Variants in MAN1A2 observed in about 807,000 individuals in gnomAD.
MAN1A2 encodes mannosyl-oligosaccharide 1,2-alpha-mannosidase IB.
A neutral mutation model predicts 75.7 loss-of-function variants in MAN1A2; 26 were observed. The ratio of observed to expected loss-of-function variants is 0.34; its 90% confidence interval spans 0.25 to 0.48. MAN1A2 has a LOEUF of 0.48. Ranked by LOEUF, MAN1A2 falls within the 20% of genes least tolerant of loss-of-function variation. The pLI is 0.99. For synonymous variants in MAN1A2, 247 were observed against 264.6 expected, an observed-to-expected ratio of 0.93 and a Z score of 0.65; for missense variants, 562 against 775.5, an observed-to-expected ratio of 0.72 and a Z score of 3.27.
At chr1:117,393,171 A>G (rs1029341932) in intron 1 of MAN1A2, among the ~76,000 whole-genome samples, 3 of 152,186 alleles carry the variant, frequency 2.0e-5, no homozygotes, top group African/African-American at 7.2e-5. Flanking sequence ...GTGCTGGTAG[A>G]GTATGTTCAT....
At chr1:117,384,253 A>G (rs900175377) in intron 1 of MAN1A2, among the ~76,000 whole-genome samples, 5 of 152,192 alleles carry the variant, frequency 3.3e-5, no homozygotes, top group African/African-American at 1.2e-4. Flanking sequence ...GGTATTTACT[A>G]CTATTAATTT....
intron 6 of MAN1A2, among the ~76,000 whole-genome samples, chr1:117,445,069 AT>A (rs1338960934): frequency 6.6e-6 from 1 of 152,062 alleles, no homozygotes; most frequent in Non-Finnish European, 1.5e-5. Flanking sequence ...TTGTTGTTTT[AT>A]CATGAATGGA....
At position 117,423,869 on chromosome 1, in the gene MAN1A2, TTTTC is replaced by T. The variant is rs555008747; in HGVS notation, c.855+3236_855+3239del. 1.1e-3 allele frequency among the ~76,000 whole-genome samples: 160 copies of T among 151,272 alleles called. 2 individuals are homozygous for T. In the East Asian group the frequency reaches 0.024, roughly 23 times the overall value. Reference sequence around the variant, plus strand: ...TGCAATGTGCAATTGATTTTTCTTTTTTTCTTTCTTTCTTTCTTTTTTTTTTTTT... The same window carrying T: ...TGCAATGTGCAATTGATTTTTCTTTTTTTCTTTCTTTCTTTTTTTTTTTTT... On this transcript the variant is annotated intron_variant, in intron 5 of 12. Coordinates refer to ENST00000356554, the MANE Select transcript of MAN1A2 (RefSeq NM_006699.5).
chr1:117,439,256 C>A (rs1375624504), intron 5 of MAN1A2, among the ~76,000 whole-genome samples: 1 of 152,024 alleles, frequency 6.6e-6, no homozygotes, highest in African/African-American at 2.4e-5. Flanking sequence ...TAGGTATATA[C>A]CCTTATTAAG....
intron 5 of MAN1A2, among the ~76,000 whole-genome samples, chr1:117,425,871 A>G (rs1431667550): frequency 2.0e-5 from 3 of 152,116 alleles, no homozygotes; most frequent in African/African-American, 7.2e-5. Flanking sequence ...AAAATAAAAG[A>G]AATGCCTTTT....
chr1:117,512,723 A>G (rs1043391819), intron 12 of MAN1A2, among the ~76,000 whole-genome samples: 1 of 145,484 alleles, frequency 6.9e-6, no homozygotes. Flanking sequence ...TCCTAATACA[A>G]TGCAATCTAA....
intron 5 of MAN1A2, 69 bp from the exon 6 acceptor site, chr1:117,442,160 TGA>T: frequency 1.8e-5 from 17 of 961,226 alleles, no homozygotes; most frequent in East Asian, 2.4e-5. Context: ...ATGTATACTA[TGA>T]GAGAGAGAGC....
At chr1:117,374,230 G>A (rs1041212596) in intron 1 of MAN1A2, among the ~76,000 whole-genome samples, 1 of 152,088 alleles carries the variant, frequency 6.6e-6, no homozygotes, top group African/African-American at 2.4e-5. Context: ...CCAGGAGTTC[G>A]AGGGTGTAGT....
At chr1:117,499,939 T>C (rs1402608016) in intron 11 of MAN1A2, among the ~76,000 whole-genome samples, 1 of 151,632 alleles carries the variant, frequency 6.6e-6, no homozygotes. Flanking sequence ...GGGGTTGTTT[T>C]ATTCTTTGAG....
chr1:117,404,871 G>A (rs1213511581), intron 2 of MAN1A2, among the ~76,000 whole-genome samples: 1 of 151,958 alleles, frequency 6.6e-6, no homozygotes, highest in East Asian at 1.9e-4. Flanking sequence ...TGGCTGACAC[G>A]GTGAAACCCT....
rs756229601 is a variant in MAN1A2 at position 117,523,911 on chromosome 1, T to C, written c.*954T>C. ...AGTAGAGTCACTCAACTTACAACTTTATTTATGTGGCTTGGCAAAAATCAC... is the reference window on the plus strand; with the variant it reads ...AGTAGAGTCACTCAACTTACAACTTCATTTATGTGGCTTGGCAAAAATCAC... On this transcript the variant is annotated 3_prime_UTR_variant, in exon 13 of 13. Coordinates refer to ENST00000356554, the MANE Select transcript of MAN1A2 (RefSeq NM_006699.5). 2.0e-5 allele frequency: 3 copies of C among 152,156 alleles called. No homozygotes were observed. Among genetic ancestry groups the C allele is most frequent in the Non-Finnish European group, 4.4e-5 (3 of 67,800 alleles). 9.4% of individuals were successfully genotyped at this position (152,156 alleles called of 1,614,324 possible).
At chr1:117,459,170 C>T (rs1056731917) in intron 6 of MAN1A2, among the ~76,000 whole-genome samples, 8 of 151,966 alleles carry the variant, frequency 5.3e-5, no homozygotes, top group Admixed American at 3.9e-4. Context: ...GCAGTCATTT[C>T]GGGCAGAGGA....
intron 7 of MAN1A2, among the ~76,000 whole-genome samples, chr1:117,465,068 A>G (rs1157961219): frequency 6.6e-6 from 1 of 152,180 alleles, no homozygotes; most frequent in Non-Finnish European, 1.5e-5. Flanking sequence ...AAACAGAGAT[A>G]CAAGAGCTCA....
chr1:117,496,687 A>C, intron 9 of MAN1A2, 76 bp from the exon 10 acceptor site: 2 of 1,042,898 alleles, frequency 1.9e-6, no homozygotes, highest in Non-Finnish European at 2.9e-6. Context: ...AGGTTTTATA[A>C]TGGCCAGAAG....
In MAN1A2 at chr1:117,368,310, C is replaced by T. The variant is rs755377381; in HGVS notation, c.127C>T (p.Leu43Phe). 1 of 1,614,036 alleles carries T rather than the reference C, an allele frequency of 6.2e-7. No homozygotes were observed. The highest frequency in any genetic ancestry group is 8.5e-7 in the Non-Finnish European group (1 of 1,180,022). The change falls in exon 1 of 13, where the codon CTT becomes TTT. Residue 43 changes from leucine to phenylalanine, a missense_variant. Physicochemically the swap from Leu to Phe is conservative, Grantham distance 22. Around this residue, in one of 2 missense-constraint regions of MAN1A2, gnomAD observed 128 missense variants for 129.8 expected, o/e 0.99. Transcript: ENST00000356554. ...TGAGAAGTTTATTCTTCTCCTTATT[C>T]TTAGTGCCTTCATCACTCTGTGTTT... ...LSEKFILLLILSAFITLCFGA... is the reference protein window; with the variant it reads ...LSEKFILLLIFSAFITLCFGA...
intron 5 of MAN1A2, among the ~76,000 whole-genome samples, chr1:117,428,813 TA>T (rs1190490531): frequency 6.9e-5 from 10 of 144,046 alleles, no homozygotes; most frequent in African/African-American, 1.0e-4. Context: ...TTTTTAAATT[TA>T]TTTTTTTATT....
chr1:117,372,830 C>T (rs79596132), intron 1 of MAN1A2, among the ~76,000 whole-genome samples: 1 of 150,906 alleles, frequency 6.6e-6, no homozygotes, highest in Non-Finnish European at 1.5e-5. Context: ...AAAAAAAACC[C>T]AGCTTATGAG....
Position 117,368,089 on chromosome 1 carries a change from C to T in MAN1A2, c.-95C>T. On this transcript the variant is annotated 5_prime_UTR_variant, in exon 1 of 13. Coordinates refer to ENST00000356554, the MANE Select transcript of MAN1A2 (RefSeq NM_006699.5). ...TTTAAGAGGAGCAAAATTGAGTTTTCCCATTTTGGCCAAGATTTTGAAGAC... is the reference window on the plus strand; with the variant it reads ...TTTAAGAGGAGCAAAATTGAGTTTTTCCATTTTGGCCAAGATTTTGAAGAC... The T allele has an allele frequency of 4.0e-6, 5 of 1,262,510 alleles. No individual in the cohort carries two copies. 78.2% of individuals were successfully genotyped at this position (1,262,510 alleles called of 1,614,324 possible).
At chr1:117,388,854 C>T (rs1412257488) in intron 1 of MAN1A2, among the ~76,000 whole-genome samples, 1 of 152,114 alleles carries the variant, frequency 6.6e-6, no homozygotes, top group African/African-American at 2.4e-5. Flanking sequence ...GTACCAAAAC[C>T]TTTTTAAAAA....
Sources: gnomAD v4.1 joint callset for allele counts (sites outside exome capture counted in the v4.1 genomes callset) on GRCh38, gnomAD v4.1.1 for gene constraint, gnomAD v4.1.1 regional missense constraint, MANE v1.5 for transcripts, NCBI Gene and HGNC (gene_info 2026-07-23, HGNC 2026-07-21) for gene names.